The following SYT1 variants were observed in gnomAD, a reference collection of about 807,000 sequenced individuals.
SYT1 encodes the protein synaptotagmin 1, also known as synaptotagmin-1.
Under a neutral mutation model 44.8 loss-of-function variants are expected in SYT1, and 8 were observed. That is an observed-to-expected ratio of 0.18 (90% CI 0.10 to 0.32). The LOEUF is 0.32. Ranked by LOEUF, SYT1 falls within the 10% of genes least tolerant of loss-of-function variation. The pLI is 1.00. For synonymous variants in SYT1, 154 were observed against 188.8 expected, an observed-to-expected ratio of 0.82 and a Z score of 1.51; for missense variants, 286 against 509.3, an observed-to-expected ratio of 0.56 and a Z score of 4.22.
At chr12:79,170,712 T>TA (rs1339587078) in intron 3 of SYT1, among the ~76,000 whole-genome samples, 9 of 152,092 alleles carry the variant, frequency 5.9e-5, no homozygotes, top group African/African-American at 2.2e-4. Context: ...AATTAGGTCC[T>TA]ATTTGTCAAT....
chr12:79,248,128 C>A (rs1190411449), intron 4 of SYT1, among the ~76,000 whole-genome samples: 1 of 152,132 alleles, frequency 6.6e-6, no homozygotes, highest in Non-Finnish European at 1.5e-5. Context: ...AGTAGGTGAA[C>A]TAATCACATA....
At chr12:79,337,900 T>C (rs1183202469) in intron 8 of SYT1, among the ~76,000 whole-genome samples, 1 of 152,174 alleles carries the variant, frequency 6.6e-6, no homozygotes, top group Non-Finnish European at 1.5e-5. Context: ...TCCAAATCAC[T>C]ATGAGGCAGC....
chr12:78,886,298 A>G (rs935116639), intron 1 of SYT1, among the ~76,000 whole-genome samples: 20 of 152,016 alleles, frequency 1.3e-4, no homozygotes, highest in African/African-American at 4.6e-4. Flanking sequence ...TCTAAAAGCT[A>G]TCCTCCTCAA....
chr12:79,282,036 C>G (rs1324337168), intron 4 of SYT1, among the ~76,000 whole-genome samples: 1 of 152,152 alleles, frequency 6.6e-6, no homozygotes, highest in South Asian at 2.1e-4. Flanking sequence ...AAACCAGCAA[C>G]AGAGACTCTT....
intron 1 of SYT1, among the ~76,000 whole-genome samples, chr12:78,930,168 G>A (rs536867915): frequency 1.1e-4 from 16 of 152,202 alleles, no homozygotes; most frequent in South Asian, 6.2e-4. Context: ...AGATTTTAAT[G>A]TCTTCACCAC....
Position 79,079,701 on chromosome 12 carries a change from A to T in SYT1, c.-18+32339A>T, listed in dbSNP as rs1271830156. On this transcript the variant is annotated intron_variant, in intron 3 of 10. Transcript: ENST00000261205. ...AACATGCACGTTATGTTATGAACATATAAATAAATAATTTTATTCATTTGA... is the reference window on the plus strand; with the variant it reads ...AACATGCACGTTATGTTATGAACATTTAAATAAATAATTTTATTCATTTGA... Among the ~76,000 whole-genome samples the T allele has an allele frequency of 2.6e-5, 4 of 152,144 alleles. No individual in the cohort carries two copies. In the East Asian group the frequency reaches 7.7e-4, roughly 29 times the overall value.
intron 7 of SYT1, 32 bp from the exon 8 acceptor site, chr12:79,299,352 T>A (rs750136381): frequency 6.2e-7 from 1 of 1,607,040 alleles, no homozygotes; most frequent in South Asian, 1.1e-5. Context: ...TTTTTGTGAC[T>A]GGATATTTTA....
At chr12:79,292,192 T>A in intron 6 of SYT1, 62 bp downstream of exon 6, 1 of 1,560,086 alleles carries the variant, frequency 6.4e-7, no homozygotes, top group Non-Finnish European at 8.7e-7. Flanking sequence ...AAGTAGAAAT[T>A]GCAGCAAGAT....
At chr12:78,931,514 C>A (rs1291268036) in intron 1 of SYT1, among the ~76,000 whole-genome samples, 1 of 152,108 alleles carries the variant, frequency 6.6e-6, no homozygotes, top group African/African-American at 2.4e-5. Context: ...ATTCAGAGAG[C>A]TTCCATCTGC....
At chr12:78,991,725 G>A (rs747142005) in intron 2 of SYT1, among the ~76,000 whole-genome samples, 1 of 152,034 alleles carries the variant, frequency 6.6e-6, no homozygotes, top group Non-Finnish European at 1.5e-5. Context: ...CCCTTTCTTT[G>A]AACTCTTTCT....
chr12:79,263,270 A>ATT (rs34435501), intron 4 of SYT1, among the ~76,000 whole-genome samples: 3 of 139,886 alleles, frequency 2.1e-5, no homozygotes, highest in Non-Finnish European at 3.1e-5. Flanking sequence ...TCTTCTGGTG[A>ATT]TTTTTTTTTT....
At chr12:79,133,400 A>G (rs566533954) in intron 3 of SYT1, among the ~76,000 whole-genome samples, 7 of 152,100 alleles carry the variant, frequency 4.6e-5, no homozygotes, top group Non-Finnish European at 1.0e-4. Context: ...CAAAAAAACT[A>G]CAAGAGAAGA....
At chr12:79,371,612 G>A (rs1050336721) in intron 9 of SYT1, among the ~76,000 whole-genome samples, 2 of 152,178 alleles carry the variant, frequency 1.3e-5, no homozygotes, top group Non-Finnish European at 2.9e-5. Context: ...CTATAAAAAA[G>A]AGGAAGGTTA....
intron 1 of SYT1, among the ~76,000 whole-genome samples, chr12:78,962,075 C>T (rs1592608532): frequency 1.3e-5 from 2 of 151,766 alleles, no homozygotes; most frequent in East Asian, 3.9e-4. Flanking sequence ...TGTTGTTTTG[C>T]TTTGTTTGGC....
intron 3 of SYT1, among the ~76,000 whole-genome samples, chr12:79,096,104 C>T (rs1288378559): frequency 6.6e-6 from 1 of 151,712 alleles, no homozygotes; most frequent in Non-Finnish European, 1.5e-5. Context: ...AGGCAATAGC[C>T]CACAGAAAGA....
chr12:78,986,155 A>G (rs1021148735), intron 2 of SYT1, among the ~76,000 whole-genome samples: 14 of 152,036 alleles, frequency 9.2e-5, no homozygotes, highest in African/African-American at 3.4e-4. Context: ...GTGTTTTTCT[A>G]CTGAAAGAAA....
intron 8 of SYT1, among the ~76,000 whole-genome samples, chr12:79,340,597 A>G (rs944195631): frequency 6.6e-6 from 1 of 152,332 alleles, no homozygotes; most frequent in Non-Finnish European, 1.5e-5. Flanking sequence ...TAAATATACA[A>G]TCATGTCATC....
chr12:78,944,951 A>G (rs1016974827), intron 1 of SYT1, among the ~76,000 whole-genome samples: 2 of 152,182 alleles, frequency 1.3e-5, no homozygotes, highest in Admixed American at 6.5e-5. Context: ...TTTGATACTT[A>G]AATTTCCTTT....
intron 3 of SYT1, among the ~76,000 whole-genome samples, chr12:79,180,118 T>A (rs1872430463): frequency 6.6e-6 from 1 of 152,126 alleles, no homozygotes. Flanking sequence ...TAAATACTTT[T>A]GTCAGATATT....
Sources: gnomAD v4.1 joint callset for allele counts (sites outside exome capture counted in the v4.1 genomes callset) on GRCh38, gnomAD v4.1.1 for gene constraint, MANE v1.5 for transcripts, NCBI Gene and HGNC (gene_info 2026-07-23, HGNC 2026-07-21) for gene names.